ADAMTS12: variants seen among roughly 807,000 people sequenced by gnomAD.
ADAMTS12 encodes A disintegrin and metalloproteinase with thrombospondin motifs 12.
Under a neutral mutation model 167.8 loss-of-function variants are expected in ADAMTS12, and 118 were observed. That is an observed-to-expected ratio of 0.70 (90% CI 0.61 to 0.82). The LOEUF (loss-of-function observed/expected upper bound fraction) is 0.82, where lower values mean the gene tolerates loss of function less well. Ranked by LOEUF, ADAMTS12 falls within the 40% of genes least tolerant of loss-of-function variation. The pLI is 0.00. For synonymous variants in ADAMTS12, 704 were observed against 716.9 expected (o/e 0.98, Z 0.29); for missense variants, 1,916 against 1,998.8 (o/e 0.96, Z 0.79).
At chr5:33,555,917 G>C (rs1745470028) in intron 20 of ADAMTS12, among the ~76,000 whole-genome samples, 1 of 152,186 alleles carries the variant, frequency 6.6e-6, no homozygotes, top group South Asian at 2.1e-4. Context: ...TAGTACTGGG[G>C]AGTGAACACC....
chr5:33,784,997 T>C (rs117610139), intron 2 of ADAMTS12, among the ~76,000 whole-genome samples: 2,317 of 151,992 alleles, frequency 0.015, 89 homozygotes, highest in East Asian at 0.15. Context: ...TGGAAGAAAA[T>C]AGTGAGCAGT....
chr5:33,849,460 A>AAT lies in ADAMTS12; in HGVS notation c.489+31657_489+31658dup, dbSNP rs768007913. Among the ~76,000 whole-genome samples, 6 of 109,882 alleles carry AAT rather than the reference A, an allele frequency of 5.5e-5. 1 individual carries two copies. The East Asian group carries it at 2.7e-3, about 49-fold the overall frequency. The allele number at this position is 109,882 out of a possible 152,430, so 72.1% of individuals were successfully genotyped here. The stretch of plus-strand genomic sequence containing the variant: ...GCAATATATATATGTATTGCACAGC[A>AAT]ATATATATATATGTATTGCACAGCA... On this transcript the variant is annotated intron_variant, in intron 2 of 23. Coordinates refer to ENST00000504830, the MANE Select transcript of ADAMTS12 (RefSeq NM_030955.4).
At chr5:33,623,796 C>T (rs1286137958) in intron 14 of ADAMTS12, among the ~76,000 whole-genome samples, 1 of 152,174 alleles carries the variant, frequency 6.6e-6, no homozygotes, top group African/African-American at 2.4e-5. Flanking sequence ...CCATTGCTGG[C>T]TTCTGTCCTC....
At chr5:33,644,465 A>G (rs1740586031) in intron 9 of ADAMTS12, among the ~76,000 whole-genome samples, 1 of 152,144 alleles carries the variant, frequency 6.6e-6, no homozygotes, top group Non-Finnish European at 1.5e-5. Context: ...TAATCCATCC[A>G]CTGAATTTTT....
chr5:33,645,699 T>A (rs12153197), intron 9 of ADAMTS12, among the ~76,000 whole-genome samples: 85,505 of 151,560 alleles, frequency 0.56, 24,742 homozygotes, highest in East Asian at 0.67. Flanking sequence ...TTGGAGTTTA[T>A]ACTATCTCAA....
chr5:33,804,288 G>C (rs1272695763), intron 2 of ADAMTS12, among the ~76,000 whole-genome samples: 1 of 152,104 alleles, frequency 6.6e-6, no homozygotes, highest in Non-Finnish European at 1.5e-5. Flanking sequence ...TTCTTTTGTT[G>C]GAAGGGATGT....
chr5:33,553,485 T>C (rs1370827211), intron 20 of ADAMTS12, among the ~76,000 whole-genome samples: 1 of 152,126 alleles, frequency 6.6e-6, no homozygotes, highest in South Asian at 2.1e-4. Flanking sequence ...CAATGATAAA[T>C]TGGATAAAGA....
chr5:33,802,551 T>C (rs1747053157), intron 2 of ADAMTS12, among the ~76,000 whole-genome samples: 1 of 152,188 alleles, frequency 6.6e-6, no homozygotes, highest in Admixed American at 6.5e-5. Flanking sequence ...TGGTCCCTGC[T>C]CTCTGCATCT....
At chr5:33,536,839 C>G (rs1369892762) in intron 22 of ADAMTS12, among the ~76,000 whole-genome samples, 1 of 152,206 alleles carries the variant, frequency 6.6e-6, no homozygotes, top group Non-Finnish European at 1.5e-5. Context: ...CCTGAATGGG[C>G]CCAATTCTTA....
chr5:33,851,835 A>G (rs1749230901), intron 2 of ADAMTS12, among the ~76,000 whole-genome samples: 1 of 152,208 alleles, frequency 6.6e-6, no homozygotes, highest in African/African-American at 2.4e-5. Flanking sequence ...CTTTCTGCAG[A>G]CTTATTCTGC....
At chr5:33,699,654 T>C (rs1742926505) in intron 3 of ADAMTS12, among the ~76,000 whole-genome samples, 1 of 152,200 alleles carries the variant, frequency 6.6e-6, no homozygotes, top group South Asian at 2.1e-4. Flanking sequence ...GTCGTACCAC[T>C]CTGCACATAT....
At chr5:33,642,341 G>T (rs1740494148) in intron 10 of ADAMTS12, among the ~76,000 whole-genome samples, 1 of 152,198 alleles carries the variant, frequency 6.6e-6, no homozygotes, top group Non-Finnish European at 1.5e-5. Flanking sequence ...TCTGGTGCAT[G>T]ATCCTTATCT....
intron 2 of ADAMTS12, among the ~76,000 whole-genome samples, chr5:33,778,423 A>G (rs965945429): frequency 1.3e-5 from 2 of 152,084 alleles, no homozygotes; most frequent in Non-Finnish European, 2.9e-5. Flanking sequence ...ACAACAGGGT[A>G]AAGACAGTCT....
At chr5:33,575,531 A>C (rs1303775054) in intron 19 of ADAMTS12, among the ~76,000 whole-genome samples, 1 of 152,152 alleles carries the variant, frequency 6.6e-6, no homozygotes, top group Admixed American at 6.5e-5. Flanking sequence ...ATCTCACTAC[A>C]TTTGTTCTCC....
intron 1 of ADAMTS12, among the ~76,000 whole-genome samples, chr5:33,887,516 G>A (rs902251585): frequency 1.4e-4 from 22 of 152,224 alleles, no homozygotes; most frequent in Middle Eastern, 6.8e-3. Context: ...TTATACAAGG[G>A]TTTGTAGAAA....
intron 3 of ADAMTS12, among the ~76,000 whole-genome samples, chr5:33,702,032 T>A (rs1352125850): frequency 6.6e-6 from 1 of 152,184 alleles, no homozygotes; most frequent in Non-Finnish European, 1.5e-5. Flanking sequence ...ATCAAGTGGA[T>A]TTTCTATTTC....
At chr5:33,810,564 G>A (rs1445912) in intron 2 of ADAMTS12, among the ~76,000 whole-genome samples, 63,790 of 151,960 alleles carry the variant, frequency 0.42, 13,759 homozygotes, top group Non-Finnish European at 0.47. Flanking sequence ...ATTAGAAGGG[G>A]AGTTGTGGAA....
intron 2 of ADAMTS12, among the ~76,000 whole-genome samples, chr5:33,767,467 G>A (rs1039558451): frequency 6.6e-6 from 1 of 151,692 alleles, no homozygotes; most frequent in African/African-American, 2.4e-5. Flanking sequence ...CTCTATATTA[G>A]CTGTGTTATT....
intron 1 of ADAMTS12, among the ~76,000 whole-genome samples, chr5:33,887,289 C>T (rs1750669490): frequency 6.6e-6 from 1 of 152,180 alleles, no homozygotes; most frequent in Admixed American, 6.5e-5. Flanking sequence ...CTGTATCCCT[C>T]ATCTGGGACT....
Sources: allele counts gnomAD v4.1 joint callset (sites outside exome capture counted in the v4.1 genomes callset), GRCh38; gene constraint gnomAD v4.1.1; transcripts MANE v1.5; gene names NCBI Gene and HGNC (gene_info 2026-07-23, HGNC 2026-07-21).